Variants in HIF3A observed in about 807,000 individuals in gnomAD.
The protein encoded by HIF3A is hypoxia-inducible factor 3-alpha.
Under a neutral mutation model 67.2 loss-of-function variants are expected in HIF3A, and 41 were observed. The ratio of observed to expected loss-of-function variants is 0.61; its 90% CI spans 0.48 to 0.79. The LOEUF (loss-of-function observed/expected upper bound fraction) is 0.79. HIF3A is among the 30% of genes least tolerant of loss of function. The probability of loss-of-function intolerance (pLI) is 0.00; values close to 1 mark genes in which losing one functional copy is unlikely to be tolerated. For synonymous variants in HIF3A, 356 were observed against 374.8 expected, an observed-to-expected ratio of 0.95 and a Z score of 0.58; for missense variants, 855 against 898.0, an observed-to-expected ratio of 0.95 and a Z score of 0.61.
intron 11 of HIF3A, among the ~76,000 whole-genome samples, chr19:46,326,466 A>G (rs967770030): frequency 6.6e-6 from 1 of 152,136 alleles, no homozygotes; most frequent in Non-Finnish European, 1.5e-5. Context: ...ATAACATAAG[A>G]GTGTGAACAT....
chr19:46,339,612 A>G lies in HIF3A; in HGVS notation c.2000A>G (p.Gln667Arg), dbSNP rs1307174501. The G allele has an allele frequency of 6.2e-7, 1 of 1,600,986 alleles. No individual in the cohort carries two copies. Among genetic ancestry groups the G allele is most frequent in the Admixed American group, 1.7e-5 (1 of 58,360 alleles). ...GPFQPRAGSA[Q>R]AD is the part of the protein sequence containing the mutation. ...TTCCAGCCAAGGGCAGGCTCAGCCC[A>G]GGCTGACTGAGCCGGCTCCTCTCCC... Residue 667 changes from glutamine (Q) to arginine (R), a missense_variant, in exon 15 of 15, where the codon CAG becomes CGG. By Grantham distance (43) the Gln-to-Arg change is conservative. Around this residue, in one of 3 missense-constraint regions of HIF3A, gnomAD observed 199 missense variants for 193.8 expected, o/e 1.03. Transcript: ENST00000377670.
At position 46,321,740 on chromosome 19, in the gene HIF3A, C is replaced by T. The variant is rs752275857; in HGVS notation, c.1145-36C>T. The stretch of plus-strand genomic sequence containing the variant: ...GCTCTGGCCCTTGGCCCTCAGTCAC[C>T]AGCCCGTGTCCTCCCCATCTCCATG... On this transcript the variant is annotated intron_variant, in intron 9 of 14. Coordinates refer to ENST00000377670, the MANE Select transcript of HIF3A (RefSeq NM_152795.4). 4 of 1,591,958 alleles carry T rather than the reference C, an allele frequency of 2.5e-6. No individual in the cohort carries two copies. The South Asian group carries it at 4.5e-5, about 18-fold the overall frequency.
rs901349478 is a variant in HIF3A, at chr19:46,308,310, GT to G, written c.448+7del. The G allele has an allele frequency of 9.4e-6, 15 of 1,591,258 alleles. No individual in the cohort carries two copies. The highest frequency in any genetic ancestry group is 1.3e-5 in the Non-Finnish European group (15 of 1,162,548). On this transcript the variant is annotated splice_donor_region_variant and intron_variant, in intron 4 of 14. Transcript: ENST00000377670. ...ACGCCCTGACCCCCCAGCAGAGTGAGTTCCCTGGAGGCCTCTGTCCCCACCA... is the reference window on the plus strand; with the variant it reads ...ACGCCCTGACCCCCCAGCAGAGTGAGTCCCTGGAGGCCTCTGTCCCCACCA...
At chr19:46,312,882 ATTTTTTTT>A (rs531816670) in intron 8 of HIF3A, 376,565 of 870,754 alleles carry the variant, frequency 0.43, 15,992 homozygotes, top group Admixed American at 0.51. Flanking sequence ...TAGACTGTTA[ATTTTTTTT>A]TTTTTTTTTT....
In HIF3A at chr19:46,324,963, T is replaced by C. The variant is rs866081955; in HGVS notation, c.1336-572T>C. On this transcript the variant is annotated intron_variant, in intron 10 of 14. Coordinates refer to ENST00000377670, the MANE Select transcript of HIF3A (RefSeq NM_152795.4). ...ATATACATATATATATATATACACA[T>C]ACACACACACACACACATATATTGT... 6.0e-5 allele frequency among the ~76,000 whole-genome samples: 8 copies of C among 133,040 alleles called. No individual in the cohort carries two copies. In the East Asian group the frequency reaches 7.1e-4, roughly 12 times the overall value. 87.3% of individuals were successfully genotyped at this position (133,040 alleles called of 152,430 possible). A position where few individuals can be genotyped will look rare whatever the true frequency, so the allele number is the denominator to read the frequency against.
intron 6 of HIF3A, 125 bp from the exon 7 acceptor site, chr19:46,312,036 C>T (rs747237029): frequency 3.9e-5 from 31 of 801,928 alleles, no homozygotes; most frequent in Middle Eastern, 2.2e-4. Context: ...CCTTTTCTCT[C>T]GGTTACAATC....
At chr19:46,309,845 G>A (rs1179642541) in intron 6 of HIF3A, among the ~76,000 whole-genome samples, 1 of 152,100 alleles carries the variant, frequency 6.6e-6, no homozygotes, top group Non-Finnish European at 1.5e-5. Context: ...CCAGCACTTA[G>A]GGAGGCCGAT....
At chr19:46,318,648 C>T (rs111882423) in intron 8 of HIF3A, among the ~76,000 whole-genome samples, 17,422 of 150,714 alleles carry the variant, frequency 0.12, 1,313 homozygotes, top group East Asian at 0.32. Flanking sequence ...TGAGACAGAG[C>T]CTCACTCTGT....
At chr19:46,320,682 GCACTCAGCCTCCAAAA>G (rs1970296943) in intron 9 of HIF3A, 121 bp downstream of exon 9, 2 of 691,598 alleles carry the variant, frequency 2.9e-6, no homozygotes, top group Non-Finnish European at 4.9e-6. Flanking sequence ...CCTTCCCTGC[GCACTCAGCCTCCAAAA>G]CACACAGCCT....
At chr19:46,313,047 C>G in intron 8 of HIF3A, 1 of 906,274 alleles carries the variant, frequency 1.1e-6, no homozygotes, top group Non-Finnish European at 1.3e-6. Context: ...CTCAGGAGTT[C>G]GAAACCAGCC....
rs1342318916 is a variant in HIF3A, at chr19:46,320,435, T to C, written c.1026-8T>C. 4 of 1,609,406 alleles carry C rather than the reference T, an allele frequency of 2.5e-6. No individual in the cohort carries two copies. Among genetic ancestry groups the C allele is most frequent in the Non-Finnish European group, 3.4e-6 (4 of 1,175,836 alleles). On this transcript the variant is annotated splice_region_variant and splice_polypyrimidine_tract_variant and intron_variant, in intron 8 of 14. Transcript: ENST00000377670. ...GACTCCCACCTCCCTTTCTGCCTTG[T>C]ACCCCAGCCAGGTGGAAGAGACCGG... is the stretch of plus-strand genomic sequence containing the variant.
In HIF3A at chr19:46,312,242, T is replaced by C. The variant is rs8101480; in HGVS notation, c.852T>C (p.Asp284=). 0.91 allele frequency: 1,475,930 copies of C among 1,613,748 alleles called. 675,578 individuals carry two copies. Among genetic ancestry groups the C allele is most frequent in the Non-Finnish European group, 0.93 (1,094,511 of 1,179,900 alleles). ...AYEYIHALDS[D]AVSKSIHTLL... ...AGTACATCCACGCGCTGGACTCCGA[T>C]GCGGTCAGCAAGAGCATCCACACCT... Residue 284 remains aspartate (D), a synonymous_variant, in exon 7 of 15, where the codon GAT becomes GAC. Coordinates refer to ENST00000377670, the MANE Select transcript of HIF3A (RefSeq NM_152795.4).
rs751504677 is a variant in HIF3A, at chr19:46,339,577, C to T, written c.1965C>T (p.Pro655=). ...ACTCAGACGAGGACACTACCCAGCC[C>T]GGGGGCCCCTTCCAGCCAAGGGCAG... ...SPYSDEDTTQ[P]GGPFQPRAGS... The change falls in exon 15 of 15, where the codon CCC becomes CCT. Residue 655 remains proline, a synonymous_variant. Transcript: ENST00000377670. 4.3e-6 allele frequency: 7 copies of T among 1,609,250 alleles called. No homozygotes were observed. The highest frequency in any genetic ancestry group is 4.5e-5 in the East Asian group (2 of 44,572).
intron 3 of HIF3A, among the ~76,000 whole-genome samples, chr19:46,307,655 G>A (rs1297844228): frequency 6.6e-6 from 1 of 151,972 alleles, no homozygotes; most frequent in African/African-American, 2.4e-5. Context: ...GGCTGAGGTG[G>A]GAGAATCACT....
chr19:46,309,068 G>C (rs1387183436), intron 5 of HIF3A, 83 bp from the exon 6 acceptor site: 9 of 1,151,382 alleles, frequency 7.8e-6, no homozygotes, highest in Non-Finnish European at 1.1e-5. Flanking sequence ...TCCCTGATGG[G>C]CCCTCAGGAC....
chr19:46,320,404 C>T (rs368693307), intron 8 of HIF3A, 39 bp from the exon 9 acceptor site: 4 of 1,515,044 alleles, frequency 2.6e-6, no homozygotes, highest in Non-Finnish European at 3.7e-6. Context: ...GCCAAGGACC[C>T]TCCCTGACTC....
intron 2 of HIF3A, 155 bp from the exon 3 acceptor site, chr19:46,305,090 G>A (rs1451658952): frequency 9.5e-7 from 1 of 1,051,862 alleles, no homozygotes; most frequent in African/African-American, 1.6e-5. Context: ...TTCTTCCTTG[G>A]GAATCCAGGC....
intron 14 of HIF3A, among the ~76,000 whole-genome samples, chr19:46,336,140 C>G (rs1423978250): frequency 8.0e-6 from 1 of 124,900 alleles, no homozygotes; most frequent in African/African-American, 3.2e-5. Context: ...GCCACCCAGG[C>G]TGGAGTGCAG....
At position 46,321,813 on chromosome 19, in the gene HIF3A, G is replaced by T; in HGVS notation, c.1182G>T (p.Pro394=). ...PGPRILAFLH[P]PSLSEAALAA... ...CCCGGATCCTTGCCTTCCTGCACCC[G>T]CCTTCCCTGAGCGAGGCTGCCCTGG... Residue 394 remains proline, a synonymous_variant, in exon 10 of 15, where the codon CCG becomes CCT. Transcript: ENST00000377670. 6.2e-7 allele frequency: 1 copy of T among 1,613,702 alleles called. No individual in the cohort carries two copies. The highest frequency in any genetic ancestry group is 8.5e-7 in the Non-Finnish European group (1 of 1,179,972).
Sources: allele counts gnomAD v4.1 joint callset (sites outside exome capture counted in the v4.1 genomes callset), GRCh38; gene constraint gnomAD v4.1.1; regional missense constraint gnomAD v4.1.1; transcripts MANE v1.5; gene names NCBI Gene and HGNC (gene_info 2026-07-23, HGNC 2026-07-21).